ZDHHC14: variants seen among roughly 807,000 people sequenced by gnomAD.
The protein encoded by ZDHHC14 is palmitoyltransferase ZDHHC14.
A neutral mutation model predicts 47.7 loss-of-function variants in ZDHHC14; 16 were observed. The observed-to-expected ratio is 0.34, with a 90% CI of 0.23 to 0.51. The LOEUF is 0.51. ZDHHC14 is among the 20% of genes least tolerant of loss of function. The probability of loss-of-function intolerance (pLI) is 0.97; values close to 1 mark genes in which losing one functional copy is unlikely to be tolerated. For missense variants in ZDHHC14, 515 were observed against 662.5 expected (o/e 0.78, Z 2.44); for synonymous variants, 293 against 278.9 (o/e 1.05, Z -0.50).
chr6:157,389,539 G>A (rs540120187), intron 1 of ZDHHC14, among the ~76,000 whole-genome samples: 1 of 152,282 alleles, frequency 6.6e-6, no homozygotes, highest in East Asian at 1.9e-4. Context: ...TTTAACTAAT[G>A]TGTATTTTGT....
intron 1 of ZDHHC14, among the ~76,000 whole-genome samples, chr6:157,398,706 T>C (rs1036673892): frequency 6.6e-6 from 1 of 152,276 alleles, no homozygotes; most frequent in African/African-American, 2.4e-5. Context: ...ACACAGTTGA[T>C]TGTATCAAAT....
chr6:157,650,971 C>A (rs1353950669), intron 7 of ZDHHC14, among the ~76,000 whole-genome samples: 1 of 152,162 alleles, frequency 6.6e-6, no homozygotes, highest in Non-Finnish European at 1.5e-5. Flanking sequence ...TCTGAGGACC[C>A]CCCATTGCAG....
chr6:157,665,475 G>A (rs1007633805), intron 8 of ZDHHC14, among the ~76,000 whole-genome samples: 10 of 152,198 alleles, frequency 6.6e-5, no homozygotes, highest in African/African-American at 2.4e-4. Flanking sequence ...AGGCTGGTGG[G>A]AAAGAGGCCC....
At chr6:157,583,577 G>GAT (rs1783589926) in intron 2 of ZDHHC14, among the ~76,000 whole-genome samples, 1 of 151,862 alleles carries the variant, frequency 6.6e-6, no homozygotes, top group African/African-American at 2.4e-5. Flanking sequence ...TTTGGGCTTT[G>GAT]ATACAGTAGA....
intron 8 of ZDHHC14, among the ~76,000 whole-genome samples, chr6:157,665,645 AC>A (rs1778520984): frequency 6.6e-6 from 1 of 152,336 alleles, no homozygotes; most frequent in Admixed American, 6.5e-5. Context: ...CTAGATAAGC[AC>A]CCTGATATTG....
chr6:157,664,653 C>T (rs1425837317), intron 8 of ZDHHC14, among the ~76,000 whole-genome samples: 1 of 152,228 alleles, frequency 6.6e-6, no homozygotes, highest in East Asian at 1.9e-4. Flanking sequence ...ATTCTTACTC[C>T]TAAGGCACAG....
chr6:157,572,893 G>T (rs1265051035), intron 2 of ZDHHC14, among the ~76,000 whole-genome samples: 1 of 151,022 alleles, frequency 6.6e-6, no homozygotes, highest in African/African-American at 2.4e-5. Context: ...CTTCCATTGG[G>T]CTTTTTCCCC....
intron 1 of ZDHHC14, among the ~76,000 whole-genome samples, chr6:157,459,163 G>A (rs16900244): frequency 0.059 from 8,894 of 151,988 alleles, 878 homozygotes; most frequent in African/African-American, 0.2. Context: ...GTATTACATC[G>A]TAGATAAATG....
In ZDHHC14 at chr6:157,672,858, C is replaced by T. The variant is rs202038590; in HGVS notation, c.1203C>T (p.Cys401=). Residue 401 remains cysteine, a synonymous_variant, in exon 9 of 9, where the codon TGC becomes TGT. Transcript: ENST00000359775. Reference sequence around the variant, plus strand: ...GGAAGCCTGGCCTGGGCACGCCCTGCGCCAGCCTCACACTGGGCCCGCCCA... The same window carrying T: ...GGAAGCCTGGCCTGGGCACGCCCTGTGCCAGCCTCACACTGGGCCCGCCCA... ...LPGKPGLGTP[C]ASLTLGPPTP... is the part of the protein sequence containing the mutation. The T allele has an allele frequency of 6.6e-5, 106 of 1,609,466 alleles. 1 individual carries two copies. The Admixed American group carries it at 1.3e-3, about 19-fold the overall frequency.
chr6:157,604,584 G>T (rs1440269545), intron 3 of ZDHHC14, among the ~76,000 whole-genome samples: 1 of 149,598 alleles, frequency 6.7e-6, no homozygotes, highest in Non-Finnish European at 1.5e-5. Context: ...TTCTTGCTCT[G>T]TTGCCCAGGC....
In ZDHHC14 at chr6:157,654,407, A is replaced by G. The variant is rs369464622; in HGVS notation, c.1068+780A>G. On this transcript the variant is annotated intron_variant, in intron 8 of 8. Transcript: ENST00000359775. ...AAATCTCCCTAAAGTTAGAAGTTCC[A>G]TGTTTCTGCAGAGAACCTTGTCTTG... 1.1e-4 allele frequency among the ~76,000 whole-genome samples: 17 copies of G among 152,302 alleles called. No individual in the cohort carries two copies. In the East Asian group the frequency reaches 2.7e-3, roughly 24 times the overall value.
At chr6:157,650,036 CG>C (rs1161353309) in intron 7 of ZDHHC14, among the ~76,000 whole-genome samples, 1 of 143,722 alleles carries the variant, frequency 7.0e-6, no homozygotes, top group African/African-American at 2.6e-5. Context: ...TGGGGGTGCA[CG>C]GGAGAGGGGC....
At chr6:157,655,239 A>G (rs1778031226) in intron 8 of ZDHHC14, among the ~76,000 whole-genome samples, 1 of 152,152 alleles carries the variant, frequency 6.6e-6, no homozygotes, top group African/African-American at 2.4e-5. Context: ...ATTCATGGAG[A>G]TCAGCTGTGT....
chr6:157,484,163 G>T (rs1439906045), intron 1 of ZDHHC14, among the ~76,000 whole-genome samples: 1 of 151,258 alleles, frequency 6.6e-6, no homozygotes, highest in Non-Finnish European at 1.5e-5. Context: ...GTGCGGGGAG[G>T]GAGAGGATCA....
At chr6:157,522,987 T>TTCCTTCCTTCCTTCCTTCCTTC (rs1562461116) in intron 1 of ZDHHC14, among the ~76,000 whole-genome samples, 1 of 35,484 alleles carries the variant, frequency 2.8e-5, no homozygotes, top group African/African-American at 1.8e-4. Flanking sequence ...TTTCTTTTTC[T>TTCCTTCCTTCCTTCCTTCCTTC]TTTCTTTTCT....
intron 2 of ZDHHC14, among the ~76,000 whole-genome samples, chr6:157,546,517 G>C (rs1387861280): frequency 6.6e-6 from 1 of 152,154 alleles, no homozygotes; most frequent in African/African-American, 2.4e-5. Context: ...TTCAGAGTCT[G>C]TTTCAAGGCT....
At chr6:157,426,146 A>T (rs1037295176) in intron 1 of ZDHHC14, among the ~76,000 whole-genome samples, 17 of 152,076 alleles carry the variant, frequency 1.1e-4, no homozygotes, top group Admixed American at 9.2e-4. Context: ...TCACGTTCAG[A>T]TGTGAGAGCC....
At chr6:157,629,640 T>A (rs1785585805) in intron 4 of ZDHHC14, 1 of 152,232 alleles carries the variant, frequency 6.6e-6, no homozygotes, top group African/African-American at 2.4e-5. Flanking sequence ...TCAATCCTAG[T>A]TGCCATTCTT....
intron 3 of ZDHHC14, among the ~76,000 whole-genome samples, chr6:157,601,305 A>G (rs964751966): frequency 1.3e-5 from 2 of 152,242 alleles, no homozygotes; most frequent in African/African-American, 4.8e-5. Context: ...TAGGATGTCT[A>G]GTATCATTAC....
Sources: allele counts gnomAD v4.1 joint callset (sites outside exome capture counted in the v4.1 genomes callset), GRCh38; gene constraint gnomAD v4.1.1; transcripts MANE v1.5; gene names NCBI Gene and HGNC (gene_info 2026-07-23, HGNC 2026-07-21).